The following DCP1B variants were observed in gnomAD, a reference collection of about 807,000 sequenced individuals.
DCP1B encodes the protein decapping mRNA 1B, also known as mRNA-decapping enzyme 1B.
A neutral mutation model predicts 60.5 loss-of-function variants in DCP1B; 47 were observed. The ratio of observed to expected loss-of-function variants is 0.78; its 90% CI spans 0.61 to 0.99. DCP1B has a LOEUF of 0.99. Ranked by LOEUF, DCP1B falls within the 50% of genes least tolerant of loss-of-function variation. The probability of loss-of-function intolerance (pLI) is 0.00; values close to 1 mark genes in which losing one functional copy is unlikely to be tolerated. For missense variants in DCP1B, 725 were observed against 756.8 expected (o/e 0.96, Z 0.49); for synonymous variants, 267 against 280.3 (o/e 0.95, Z 0.47).
chr12:1,965,255 G>C (rs552509106), intron 5 of DCP1B, among the ~76,000 whole-genome samples: 43 of 152,152 alleles, frequency 2.8e-4, no homozygotes, highest in African/African-American at 9.6e-4. Flanking sequence ...ACTGTAAGTT[G>C]GGGTCTTGCA....
At chr12:2,004,017 C>T in intron 1 of DCP1B, among the ~76,000 whole-genome samples, 1 of 152,142 alleles carries the variant, frequency 6.6e-6, no homozygotes. Flanking sequence ...CTTATGGTGC[C>T]GTACCCGATC....
At chr12:1,960,553 A>T (rs1354675836) in intron 5 of DCP1B, among the ~76,000 whole-genome samples, 1 of 152,262 alleles carries the variant, frequency 6.6e-6, no homozygotes, top group Non-Finnish European at 1.5e-5. Context: ...CCACACAAAA[A>T]TGATAAATAT....
At position 1,971,243 on chromosome 12, in the gene DCP1B, T is replaced by C; in HGVS notation, c.320-3333A>G. On this transcript the variant is annotated intron_variant, in intron 3 of 8. Transcript: ENST00000280665. This position sits in a 1 kb window ranked among gnomAD's most constrained non-coding sequence, Gnocchi z 4.2. ...TGAAATAAAGAGTAGGAAGAACATGTTGAAATTTACTCTAAATATCCTAAT... is the reference window on the plus strand; with the variant it reads ...TGAAATAAAGAGTAGGAAGAACATGCTGAAATTTACTCTAAATATCCTAAT... 8.6e-7 allele frequency: 1 copy of C among 1,159,350 alleles called. No homozygotes were observed. The highest frequency in any genetic ancestry group is 1.1e-6 in the Non-Finnish European group (1 of 873,052). The allele number at this position is 1,159,350 out of a possible 1,614,324, so 71.8% of individuals were successfully genotyped here.
chr12:1,967,971 A>G, intron 3 of DCP1B, 61 bp from the exon 4 acceptor site: 1 of 1,369,140 alleles, frequency 7.3e-7, no homozygotes, highest in Non-Finnish European at 1.0e-6. Context: ...ATAGAAAAAA[A>G]TCTCCTTTCC....
intron 6 of DCP1B, among the ~76,000 whole-genome samples, chr12:1,954,797 T>A (rs1207659540): frequency 6.6e-6 from 1 of 152,172 alleles, no homozygotes; most frequent in African/African-American, 2.4e-5. Flanking sequence ...CCCAGAAGAA[T>A]ATGGACCCAA....
rs528706420 is a variant in DCP1B, at chr12:1,966,517, C to T, written c.387-824G>A. Among the ~76,000 whole-genome samples the T allele has an allele frequency of 2.0e-5, 3 of 152,306 alleles. No homozygotes were observed. The East Asian group carries it at 5.8e-4, about 29-fold the overall frequency. On this transcript the variant is annotated intron_variant, in intron 4 of 8. Coordinates refer to ENST00000280665, the MANE Select transcript of DCP1B (RefSeq NM_152640.5). Reference sequence around the variant, plus strand: ...AAAGATCTGAGTACTTACTGAGAGACTTAATTCTAACTGGGGAGGGGGTCG... The same window carrying T: ...AAAGATCTGAGTACTTACTGAGAGATTTAATTCTAACTGGGGAGGGGGTCG...
At chr12:1,970,955 G>C (rs1733175509) in intron 3 of DCP1B, 1 of 545,876 alleles carries the variant, frequency 1.8e-6, no homozygotes, top group Admixed American at 4.0e-5. Context: ...GCACTGAAAT[G>C]TTACTGCAGG....
At chr12:1,988,107 T>C (rs1448351133) in intron 3 of DCP1B, among the ~76,000 whole-genome samples, 1 of 152,226 alleles carries the variant, frequency 6.6e-6, no homozygotes, top group Non-Finnish European at 1.5e-5. Context: ...GGATGATTTG[T>C]ATATCAGTCA....
intron 3 of DCP1B, among the ~76,000 whole-genome samples, chr12:1,984,243 T>C (rs1038963615): frequency 3.8e-4 from 58 of 152,110 alleles, no homozygotes; most frequent in African/African-American, 1.4e-3. Flanking sequence ...ACCGATATGG[T>C]TGAACTTGGG....
chr12:1,955,107 T>A (rs2030833269), intron 6 of DCP1B, among the ~76,000 whole-genome samples: 1 of 152,202 alleles, frequency 6.6e-6, no homozygotes, highest in South Asian at 2.1e-4. Context: ...TCCTCTCGCC[T>A]CAGCCTCTCA....
Position 1,952,491 on chromosome 12 carries a change from G to C in DCP1B, c.1449C>G (p.Ser483Arg), listed in dbSNP as rs762471489. 1 of 1,614,076 alleles carries C rather than the reference G, an allele frequency of 6.2e-7. No homozygotes were observed. Among genetic ancestry groups the C allele is most frequent in the East Asian group, 2.2e-5 (1 of 44,878 alleles). ...LAAKFPVLAQ[S>R]SGTGKPLESW... ...ATTCCAAGGGTTTCCCTGTTCCAGA[G>C]CTCTGAGCGAGCACAGGAAACTTAG... The change falls in exon 7 of 9, where the codon AGC (serine) becomes AGG (arginine). Residue 483 changes from serine to arginine, a missense_variant. Physicochemically the swap from Ser to Arg is moderately radical, Grantham distance 110. Coordinates refer to ENST00000280665, the MANE Select transcript of DCP1B (RefSeq NM_152640.5).
chr12:1,986,417 G>A (rs1033024235), intron 3 of DCP1B, among the ~76,000 whole-genome samples: 6 of 152,158 alleles, frequency 3.9e-5, no homozygotes, highest in Non-Finnish European at 7.3e-5. Flanking sequence ...CACACTGTCA[G>A]ACAGTCTGTG....
chr12:1,982,291 T>A (rs1351296038), intron 3 of DCP1B, among the ~76,000 whole-genome samples: 1 of 152,168 alleles, frequency 6.6e-6, no homozygotes, highest in Non-Finnish European at 1.5e-5. Flanking sequence ...ATCCACAATA[T>A]TGTGCAACCA....
At chr12:1,958,688 G>A (rs1251022285) in intron 5 of DCP1B, among the ~76,000 whole-genome samples, 3 of 141,596 alleles carry the variant, frequency 2.1e-5, no homozygotes, top group Non-Finnish European at 3.1e-5. Context: ...TAAACCTCCC[G>A]GAAGGAGACA....
At chr12:1,984,668 A>G (rs931397264) in intron 3 of DCP1B, among the ~76,000 whole-genome samples, 1 of 149,146 alleles carries the variant, frequency 6.7e-6, no homozygotes, top group Non-Finnish European at 1.5e-5. Flanking sequence ...CCGTATATTT[A>G]CTATTTCTGT....
In DCP1B at chr12:1,963,764, C is replaced by T. The variant is rs968275426; in HGVS notation, c.522+1794G>A. 5.9e-5 allele frequency among the ~76,000 whole-genome samples: 9 copies of T among 152,194 alleles called. 1 individual carries two copies. The highest frequency in any genetic ancestry group is 2.1e-4 in the South Asian group (1 of 4,828). On this transcript the variant is annotated intron_variant, in intron 5 of 8. Coordinates refer to ENST00000280665, the MANE Select transcript of DCP1B (RefSeq NM_152640.5). ...CACCTTCTGGAAGGAAGTAATATTT[C>T]GAAACAACAATCTGGGTGATATAGA...
chr12:1,980,919 A>G (rs993579990), intron 3 of DCP1B, among the ~76,000 whole-genome samples: 1 of 151,956 alleles, frequency 6.6e-6, no homozygotes, highest in Non-Finnish European at 1.5e-5. Flanking sequence ...TATCTCAATA[A>G]GCATAAAACA....
intron 3 of DCP1B, among the ~76,000 whole-genome samples, chr12:1,968,586 G>C (rs993924786): frequency 6.6e-6 from 1 of 151,976 alleles, no homozygotes; most frequent in African/African-American, 2.4e-5. Flanking sequence ...CACTCCATTT[G>C]CACATTTCAT....
At chr12:1,966,026 G>A (rs1346449263) in intron 4 of DCP1B, 1 of 208,420 alleles carries the variant, frequency 4.8e-6, no homozygotes, top group African/African-American at 2.3e-5. Flanking sequence ...TACAAGGGCA[G>A]AATTCTATAG....
Sources: allele counts gnomAD v4.1 joint callset (sites outside exome capture counted in the v4.1 genomes callset), GRCh38; gene constraint gnomAD v4.1.1; non-coding constraint Gnocchi (gnomAD v3.1); transcripts MANE v1.5; gene names NCBI Gene and HGNC (gene_info 2026-07-23, HGNC 2026-07-21).